Variants in APCDD1L observed in about 807,000 individuals in gnomAD.
The protein encoded by APCDD1L is protein APCDD1-like.
In APCDD1L, 21 loss-of-function variants were observed where a neutral mutation model predicts 24.2. That is an observed-to-expected ratio of 0.87 (90% CI 0.61 to 1.25). The LOEUF (loss-of-function observed/expected upper bound fraction) is 1.25. Ranked by LOEUF, APCDD1L falls within the 50% of genes most tolerant of loss-of-function variation. The probability of loss-of-function intolerance (pLI) is 0.00; values close to 1 mark genes in which losing one functional copy is unlikely to be tolerated. For synonymous variants in APCDD1L, 321 were observed against 323.6 expected (o/e 0.99, Z 0.09); for missense variants, 704 against 711.7 (o/e 0.99, Z 0.12).
At chr20:58,509,369 A>G (rs1390498030) in intron 1 of APCDD1L, among the ~76,000 whole-genome samples, 1 of 152,138 alleles carries the variant, frequency 6.6e-6, no homozygotes, top group Non-Finnish European at 1.5e-5. Flanking sequence ...CACAGACGGT[A>G]CCTTTAGCTT....
intron 1 of APCDD1L, among the ~76,000 whole-genome samples, chr20:58,509,197 T>G (rs1990581394): frequency 6.6e-6 from 1 of 152,224 alleles, no homozygotes; most frequent in African/African-American, 2.4e-5. Context: ...AGCCAGGAGC[T>G]GCCCAGGTAG....
chr20:58,462,303 A>G (rs1989624027), intron 3 of APCDD1L, among the ~76,000 whole-genome samples: 1 of 152,076 alleles, frequency 6.6e-6, no homozygotes, highest in South Asian at 2.1e-4. Flanking sequence ...GGGAGCTGAG[A>G]CCCAGAGGGC....
At position 58,460,457 on chromosome 20, in the gene APCDD1L, G is replaced by A. The variant is rs139208860; in HGVS notation, c.*333C>T. The A allele has an allele frequency of 2.3e-5, 5 of 218,138 alleles. No individual in the cohort carries two copies. The highest frequency in any genetic ancestry group is 5.2e-5 in the Admixed American group (1 of 19,240). 13.5% of individuals were successfully genotyped at this position (218,138 alleles called of 1,614,324 possible). A position where few individuals can be genotyped will look rare whatever the true frequency, so the allele number is the denominator to read the frequency against. On this transcript the variant is annotated 3_prime_UTR_variant, in exon 4 of 4. Coordinates refer to ENST00000371149, the MANE Select transcript of APCDD1L (RefSeq NM_153360.3). The surrounding 1 kb of genome is among the most constrained non-coding windows in gnomAD (Gnocchi z 4.2). ...GGAACATGGGATGGGGGTGTTCCGT[G>A]TGGCCCCCTGACTGCACCTGTTGGC... is the stretch of plus-strand genomic sequence containing the variant.
Position 58,461,769 on chromosome 20 carries a change from C to T in APCDD1L, c.742-215G>A, listed in dbSNP as rs1425075839. 3 of 431,100 alleles carry T rather than the reference C, an allele frequency of 7.0e-6. No homozygotes were observed. The highest frequency in any genetic ancestry group is 1.2e-5 in the Non-Finnish European group (3 of 254,958). 26.7% of individuals were successfully genotyped at this position (431,100 alleles called of 1,614,324 possible). A position where few individuals can be genotyped will look rare whatever the true frequency, so the allele number is the denominator to read the frequency against. ...TGATGGAGGTCAGCCCCTGTATCCC[C>T]CGGGCCTTGGGTCTCCTGCTGTCTC... On this transcript the variant is annotated intron_variant, in intron 3 of 3. Transcript: ENST00000371149. The surrounding 1 kb of genome is among the most constrained non-coding windows in gnomAD (Gnocchi z 6.0).
rs1370327434 is a variant in APCDD1L, at chr20:58,459,886, G to T, written c.*904C>A. The T allele has an allele frequency of 6.5e-6, 1 of 152,694 alleles. No individual in the cohort carries two copies. Among genetic ancestry groups the T allele is most frequent in the Non-Finnish European group, 1.5e-5 (1 of 68,088 alleles). The allele number at this position is 152,694 out of a possible 1,614,324, so 9.5% of individuals were successfully genotyped here. A position where few individuals can be genotyped will look rare whatever the true frequency, so the allele number is the denominator to read the frequency against. ...GGCTGGGCAGGGCGAATTGCAGAGC[G>T]CGTTAGTGTTACGGCTGTCATTACT... On this transcript the variant is annotated 3_prime_UTR_variant, in exon 4 of 4. Transcript: ENST00000371149.
intron 1 of APCDD1L, among the ~76,000 whole-genome samples, chr20:58,512,323 T>C (rs1186529201): frequency 6.6e-6 from 1 of 152,222 alleles, no homozygotes; most frequent in Non-Finnish European, 1.5e-5. Context: ...AAACTACCTG[T>C]TGGGTTTGAT....
At position 58,467,734 on chromosome 20, in the gene APCDD1L, C is replaced by T; in HGVS notation, c.189-76G>A. 1 of 1,334,016 alleles carries T rather than the reference C, an allele frequency of 7.5e-7. No individual in the cohort carries two copies. Among genetic ancestry groups the T allele is most frequent in the Non-Finnish European group, 9.7e-7 (1 of 1,027,484 alleles). 82.6% of individuals were successfully genotyped at this position (1,334,016 alleles called of 1,614,324 possible). On this transcript the variant is annotated intron_variant, in intron 2 of 3. Transcript: ENST00000371149. This position sits in a 1 kb window ranked among gnomAD's most constrained non-coding sequence, Gnocchi z 5.9. ...GAGCCCCTCTCCCCTCTGGGCTGGG[C>T]TCCTTTCTCCCCCCCAGCCCTCCTC...
intron 1 of APCDD1L, among the ~76,000 whole-genome samples, chr20:58,471,629 G>C (rs4812001): frequency 0.52 from 78,587 of 152,128 alleles, 21,963 homozygotes; most frequent in African/African-American, 0.71. Flanking sequence ...TCGGGCTGCT[G>C]AGAGGCGAGA....
Position 58,467,682 on chromosome 20 carries a change from C to G in APCDD1L, c.189-24G>C, listed in dbSNP as rs1989744055. ...AGCTGCAGGGGTGGAAGGAGATGGG[C>G]TGGGTGCAGAGGGAACACCGCGCCG... On this transcript the variant is annotated intron_variant, in intron 2 of 3. Transcript: ENST00000371149. The surrounding 1 kb of genome is among the most constrained non-coding windows in gnomAD (Gnocchi z 5.9). 6.8e-7 allele frequency: 1 copy of G among 1,470,116 alleles called. No homozygotes were observed. The highest frequency in any genetic ancestry group is 1.4e-5 in the South Asian group (1 of 69,798). 91.1% of individuals were successfully genotyped at this position (1,470,116 alleles called of 1,614,324 possible). A position where few individuals can be genotyped will look rare whatever the true frequency, so the allele number is the denominator to read the frequency against.
At chr20:58,507,634 T>C (rs187316759) in intron 1 of APCDD1L, among the ~76,000 whole-genome samples, 2 of 152,186 alleles carry the variant, frequency 1.3e-5, no homozygotes, top group East Asian at 1.9e-4. Context: ...TAATAGCCCA[T>C]GCACCCTTGC....
intron 3 of APCDD1L, among the ~76,000 whole-genome samples, chr20:58,464,818 C>T (rs772386378): frequency 1.3e-5 from 2 of 151,910 alleles, no homozygotes; most frequent in African/African-American, 2.4e-5. Context: ...TTCTCTGCAG[C>T]AATTCCTTCT....
intron 1 of APCDD1L, among the ~76,000 whole-genome samples, chr20:58,480,425 C>T (rs1990001703): frequency 6.6e-6 from 1 of 152,170 alleles, no homozygotes; most frequent in Non-Finnish European, 1.5e-5. Flanking sequence ...GTTTGGTTAG[C>T]TACTGGCCCC....
Position 58,470,714 on chromosome 20 carries a change from C to G in APCDD1L, c.83G>C (p.Gly28Ala). ...HTAPAAGEAG[G>A]SCLRWEPHCQ... ...GTGGGGTTCCCAGCGCAGGCAGCTG[C>G]CCCCGGCCTCCCCAGCCGCCGGTGC... is the stretch of plus-strand genomic sequence containing the variant. The change falls in exon 2 of 4, where the codon GGC becomes GCC. Residue 28 changes from glycine to alanine, a missense_variant. Physicochemically the swap from Gly to Ala is moderately conservative, Grantham distance 60 (BLOSUM62 0). Coordinates refer to ENST00000371149, the MANE Select transcript of APCDD1L (RefSeq NM_153360.3). 6.5e-7 allele frequency: 1 copy of G among 1,540,988 alleles called. No homozygotes were observed. The highest frequency in any genetic ancestry group is 8.7e-7 in the Non-Finnish European group (1 of 1,146,096).
intron 1 of APCDD1L, among the ~76,000 whole-genome samples, chr20:58,498,170 T>C (rs903633163): frequency 2.0e-5 from 3 of 152,168 alleles, no homozygotes; most frequent in African/African-American, 7.2e-5. Context: ...AAAAAATACA[T>C]TATTAAGAGG....
In APCDD1L at chr20:58,461,686, T is replaced by C; in HGVS notation, c.742-132A>G. 1.1e-6 allele frequency: 1 copy of C among 931,480 alleles called. No homozygotes were observed. 57.7% of individuals were successfully genotyped at this position (931,480 alleles called of 1,614,324 possible). On this transcript the variant is annotated intron_variant, in intron 3 of 3. Transcript: ENST00000371149. The surrounding 1 kb of genome is among the most constrained non-coding windows in gnomAD (Gnocchi z 6.0). ...GCGGCCTGTCCCTCCCTCCTCTCTC[T>C]CCTCACTCCCTGCCTTCAGTCAGGA... is the stretch of plus-strand genomic sequence containing the variant.
At chr20:58,486,265 G>A (rs1310641570) in intron 1 of APCDD1L, among the ~76,000 whole-genome samples, 1 of 152,162 alleles carries the variant, frequency 6.6e-6, no homozygotes, top group Non-Finnish European at 1.5e-5. Context: ...AAATGACCAA[G>A]TAGATCTGGA....
chr20:58,467,537 G>A lies in APCDD1L; in HGVS notation c.310C>T (p.Leu104=). The change falls in exon 3 of 4, where the codon CTG becomes TTG. Residue 104 remains leucine (L), a synonymous_variant. Coordinates refer to ENST00000371149, the MANE Select transcript of APCDD1L (RefSeq NM_153360.3). This position sits in a 1 kb window ranked among gnomAD's most constrained non-coding sequence, Gnocchi z 5.9. The part of the protein sequence containing the change: ...DPFCGEPAHS[L]LVKGKVRLRR... The stretch of plus-strand genomic sequence containing the variant: ...AGGCGGACTTTGCCCTTGACGAGCA[G>A]CGAGTGGGCAGGTTCCCCGCAGAAG... 1 of 1,589,182 alleles carries A rather than the reference G, an allele frequency of 6.3e-7. No homozygotes were observed. Among genetic ancestry groups the A allele is most frequent in the East Asian group, 2.4e-5 (1 of 42,182 alleles).
Position 58,514,977 on chromosome 20 carries a change from G to A in APCDD1L, c.-270C>T. The A allele has an allele frequency of 2.9e-6, 1 of 341,748 alleles. No homozygotes were observed. Among genetic ancestry groups the A allele is most frequent in the East Asian group, 4.4e-5 (1 of 22,794 alleles). 21.2% of individuals were successfully genotyped at this position (341,748 alleles called of 1,614,324 possible). A position where few individuals can be genotyped will look rare whatever the true frequency, so the allele number is the denominator to read the frequency against. Reference sequence around the variant, plus strand: ...CGAGGCGCGCACACCCGCGCAGCGCGCACAGCCCCCTGGTGCAGCTCCTGC... The same window carrying A: ...CGAGGCGCGCACACCCGCGCAGCGCACACAGCCCCCTGGTGCAGCTCCTGC... On this transcript the variant is annotated 5_prime_UTR_variant, in exon 1 of 4. Coordinates refer to ENST00000371149, the MANE Select transcript of APCDD1L (RefSeq NM_153360.3).
Position 58,460,945 on chromosome 20 carries a change from G to T in APCDD1L, c.1351C>A (p.Pro451Thr), listed in dbSNP as rs780551687. 62 of 1,613,960 alleles carry T rather than the reference G, an allele frequency of 3.8e-5. No individual in the cohort carries two copies. The highest frequency in any genetic ancestry group is 5.2e-5 in the Non-Finnish European group (61 of 1,179,988). ...PEKRPTSYQA[P>T]LVLCHGEAPD... ...GCCTCCCCATGACAGAGCACCAGGG[G>T]TGCTTGGTAGGAGGTGGGACGTTTC... The change falls in exon 4 of 4, where the codon CCC (proline) becomes ACC (threonine). Residue 451 changes from proline to threonine, a missense_variant. Transcript: ENST00000371149. This position sits in a 1 kb window ranked among gnomAD's most constrained non-coding sequence, Gnocchi z 4.2.
Sources: allele counts gnomAD v4.1 joint callset (sites outside exome capture counted in the v4.1 genomes callset), GRCh38; gene constraint gnomAD v4.1.1; non-coding constraint Gnocchi (gnomAD v3.1); transcripts MANE v1.5; gene names NCBI Gene and HGNC (gene_info 2026-07-23, HGNC 2026-07-21).